Variants in PCSK2 observed in about 807,000 individuals in gnomAD.
The protein encoded by PCSK2 is proprotein convertase subtilisin/kexin type 2.
In PCSK2, 14 loss-of-function variants were observed where a neutral mutation model predicts 69.7. That is an observed-to-expected ratio of 0.20 (90% CI 0.13 to 0.31). The LOEUF is 0.31. PCSK2 is among the 10% of genes least tolerant of loss of function. PCSK2 has a pLI of 1.00. For synonymous variants in PCSK2, 307 were observed against 320.7 expected, an observed-to-expected ratio of 0.96 and a Z score of 0.46; for missense variants, 544 against 842.5, an observed-to-expected ratio of 0.65 and a Z score of 4.39.
intron 2 of PCSK2, among the ~76,000 whole-genome samples, chr20:17,329,470 C>T (rs1331434381): frequency 6.6e-6 from 1 of 152,150 alleles, no homozygotes; most frequent in Non-Finnish European, 1.5e-5. Context: ...CTGTTAAAAA[C>T]AAACACATTC....
intron 1 of PCSK2, among the ~76,000 whole-genome samples, chr20:17,230,519 A>T (rs1487172489): frequency 1.3e-5 from 2 of 152,224 alleles, no homozygotes; most frequent in Non-Finnish European, 2.9e-5. Context: ...TGCTGCCTCC[A>T]GGAAGCCTTC....
intron 2 of PCSK2, among the ~76,000 whole-genome samples, chr20:17,281,208 A>G (rs1988296325): frequency 6.6e-6 from 1 of 152,212 alleles, no homozygotes; most frequent in Admixed American, 6.5e-5. Flanking sequence ...TTTTGGAGAC[A>G]ACCTCTTTGT....
At chr20:17,330,318 G>T (rs1310091669) in intron 2 of PCSK2, among the ~76,000 whole-genome samples, 3 of 152,144 alleles carry the variant, frequency 2.0e-5, no homozygotes, top group Non-Finnish European at 4.4e-5. Flanking sequence ...TCTTGGCCGG[G>T]CACAGTGGCT....
At chr20:17,246,889 T>A (rs1720952401) in intron 1 of PCSK2, among the ~76,000 whole-genome samples, 1 of 152,180 alleles carries the variant, frequency 6.6e-6, no homozygotes, top group South Asian at 2.1e-4. Flanking sequence ...ATGTTGTTGA[T>A]AATTAAGAAA....
chr20:17,474,866 G>C (rs143558020), intron 11 of PCSK2, among the ~76,000 whole-genome samples: 48 of 152,180 alleles, frequency 3.2e-4, no homozygotes, highest in African/African-American at 1.1e-3. Context: ...GATGGAATGA[G>C]GCCCATATTC....
At chr20:17,408,499 G>A (rs549089940) in intron 5 of PCSK2, among the ~76,000 whole-genome samples, 1 of 152,354 alleles carries the variant, frequency 6.6e-6, no homozygotes, top group East Asian at 1.9e-4. Context: ...CTGGATGACA[G>A]AGAATAGTAC....
chr20:17,364,327 C>G (rs1340970597), intron 4 of PCSK2, among the ~76,000 whole-genome samples: 1 of 152,170 alleles, frequency 6.6e-6, no homozygotes, highest in African/African-American at 2.4e-5. Flanking sequence ...GGTGACTGCT[C>G]CAGTTACTTT....
chr20:17,352,231 C>G (rs1263679124), intron 2 of PCSK2, among the ~76,000 whole-genome samples: 1 of 152,206 alleles, frequency 6.6e-6, no homozygotes, highest in African/African-American at 2.4e-5. Flanking sequence ...GCAGTCTATG[C>G]TCATGGATTG....
intron 8 of PCSK2, among the ~76,000 whole-genome samples, chr20:17,444,614 A>C (rs867890689): frequency 2.0e-5 from 3 of 152,234 alleles, no homozygotes; most frequent in Admixed American, 6.5e-5. Context: ...ATCTCCTAGA[A>C]GCAGATCCTG....
At chr20:17,353,685 A>G (rs1164117517) in intron 2 of PCSK2, among the ~76,000 whole-genome samples, 1 of 152,166 alleles carries the variant, frequency 6.6e-6, no homozygotes, top group Non-Finnish European at 1.5e-5. Context: ...AAAAAGACAC[A>G]TGCACTTTTC....
At chr20:17,284,775 A>G (rs916266150) in intron 2 of PCSK2, among the ~76,000 whole-genome samples, 1 of 152,188 alleles carries the variant, frequency 6.6e-6, no homozygotes, top group Non-Finnish European at 1.5e-5. Flanking sequence ...TGTCTCCCCA[A>G]GGAGTTTGGG....
At chr20:17,270,152 G>A (rs1987804296) in intron 2 of PCSK2, among the ~76,000 whole-genome samples, 1 of 151,998 alleles carries the variant, frequency 6.6e-6, no homozygotes, top group Admixed American at 6.6e-5. Context: ...CTAAGATAAC[G>A]TTTTGTGAGG....
At chr20:17,305,368 G>A (rs990954517) in intron 2 of PCSK2, among the ~76,000 whole-genome samples, 1 of 152,112 alleles carries the variant, frequency 6.6e-6, no homozygotes, top group Non-Finnish European at 1.5e-5. Flanking sequence ...TTTATGAAAG[G>A]CACATGTTGG....
At chr20:17,304,170 G>A (rs1278859019) in intron 2 of PCSK2, among the ~76,000 whole-genome samples, 1 of 151,902 alleles carries the variant, frequency 6.6e-6, no homozygotes, top group Admixed American at 6.6e-5. Context: ...ATGATACTTG[G>A]TAAGGAAAGT....
chr20:17,421,111 C>T (rs1483374159), intron 6 of PCSK2, among the ~76,000 whole-genome samples: 1 of 152,238 alleles, frequency 6.6e-6, no homozygotes, highest in Non-Finnish European at 1.5e-5. Context: ...CAAGGTTAAA[C>T]TCTCTGTCAA....
intron 5 of PCSK2, among the ~76,000 whole-genome samples, chr20:17,395,137 C>T (rs540223082): frequency 4.6e-5 from 7 of 152,204 alleles, no homozygotes; most frequent in East Asian, 1.9e-4. Context: ...CCCAAGGTCA[C>T]GACACTCTAT....
chr20:17,455,498 C>T (rs973447299), intron 9 of PCSK2, among the ~76,000 whole-genome samples: 2 of 152,322 alleles, frequency 1.3e-5, no homozygotes, highest in Middle Eastern at 3.4e-3. Flanking sequence ...ATCTCAGAAT[C>T]TCTCCGTGGA....
In PCSK2 at chr20:17,419,198, T is replaced by G. The variant is rs147211050; in HGVS notation, c.620+9859T>G. 8.9e-3 allele frequency among the ~76,000 whole-genome samples: 1,359 copies of G among 152,342 alleles called. 14 individuals carry two copies. Among genetic ancestry groups the G allele is most frequent in the South Asian group, 0.038 (184 of 4,822 alleles). On this transcript the variant is annotated intron_variant, in intron 6 of 11. Coordinates refer to ENST00000262545, the MANE Select transcript of PCSK2 (RefSeq NM_002594.5). Reference sequence around the variant, plus strand: ...CAAGGGTGCTTTAGGAAAACAAACTTCATACATATGCAGAACTGCTTTTAG... The same window carrying G: ...CAAGGGTGCTTTAGGAAAACAAACTGCATACATATGCAGAACTGCTTTTAG...
chr20:17,447,270 C>CAAAA (rs386393432), intron 8 of PCSK2, among the ~76,000 whole-genome samples: 2,285 of 127,554 alleles, frequency 0.018, 35 homozygotes, highest in South Asian at 0.05. Context: ...TACTCTGTCT[C>CAAAA]AAAAAAAAAA....
Sources: allele counts gnomAD v4.1 joint callset (sites outside exome capture counted in the v4.1 genomes callset), GRCh38; gene constraint gnomAD v4.1.1; transcripts MANE v1.5; gene names NCBI Gene and HGNC (gene_info 2026-07-23, HGNC 2026-07-21).